The following DOCK3 variants were observed in gnomAD, a reference collection of about 807,000 sequenced individuals.
DOCK3 encodes the protein dedicator of cytokinesis protein 3.
A neutral mutation model predicts 265.6 loss-of-function variants in DOCK3; 60 were observed. That is an observed-to-expected ratio of 0.23 (90% confidence interval 0.18 to 0.28). The LOEUF (loss-of-function observed/expected upper bound fraction) is 0.28. DOCK3 is among the 10% of genes least tolerant of loss of function. DOCK3 has a pLI of 1.00. For missense variants in DOCK3, 1,981 were observed against 2,594.3 expected, an observed-to-expected ratio of 0.76 and a Z score of 5.14; for synonymous variants, 881 against 938.0, an observed-to-expected ratio of 0.94 and a Z score of 1.11.
chr3:51,090,355 A>G lies in DOCK3; in HGVS notation c.717A>G (p.Leu239=), dbSNP rs559628209. Residue 239 remains leucine, a synonymous_variant, in exon 9 of 53, where the codon TTA becomes TTG. Transcript: ENST00000266037. ...AAGATACCGATGTCTTCTTTTCCTTATATGACATGAGGGAAGGCAAGCAGA... is the reference window on the plus strand; with the variant it reads ...AAGATACCGATGTCTTCTTTTCCTTGTATGACATGAGGGAAGGCAAGCAGA... ...IGEDTDVFFS[L]YDMREGKQIS... 9.3e-6 allele frequency: 15 copies of G among 1,606,808 alleles called. No individual in the cohort carries two copies. The African/African-American group carries it at 1.2e-4, about 13-fold the overall frequency.
At chr3:51,367,648 T>C (rs1186467987) in intron 49 of DOCK3, among the ~76,000 whole-genome samples, 1 of 152,240 alleles carries the variant, frequency 6.6e-6, no homozygotes, top group Non-Finnish European at 1.5e-5. Flanking sequence ...CTTTCCATGT[T>C]TAGTGCTTCC....
intron 9 of DOCK3, among the ~76,000 whole-genome samples, chr3:51,130,845 C>A (rs2106936304): frequency 6.6e-6 from 1 of 152,170 alleles, no homozygotes; most frequent in Non-Finnish European, 1.5e-5. Flanking sequence ...GTAGTTGGGA[C>A]TACAAGTGCG....
chr3:51,035,605 C>G (rs1156650382), intron 5 of DOCK3, among the ~76,000 whole-genome samples: 1 of 152,116 alleles, frequency 6.6e-6, no homozygotes, highest in African/African-American at 2.4e-5. Flanking sequence ...TCTGGGTAAG[C>G]TTTTCCTGGC....
intron 7 of DOCK3, among the ~76,000 whole-genome samples, chr3:51,077,168 G>A (rs1367459889): frequency 6.6e-6 from 1 of 152,048 alleles, no homozygotes; most frequent in Non-Finnish European, 1.5e-5. Flanking sequence ...GTAGATGTTT[G>A]GAATTAAAAT....
intron 9 of DOCK3, among the ~76,000 whole-genome samples, chr3:51,093,631 A>C (rs1051596062): frequency 2.0e-5 from 3 of 152,188 alleles, no homozygotes; most frequent in African/African-American, 7.2e-5. Flanking sequence ...CTGCAAACAG[A>C]GACAATTTGA....
At chr3:50,720,825 A>C (rs868295527) in intron 1 of DOCK3, among the ~76,000 whole-genome samples, 1 of 152,222 alleles carries the variant, frequency 6.6e-6, no homozygotes, top group Non-Finnish European at 1.5e-5. Flanking sequence ...CCAGCAGTGT[A>C]TAAGCGTTCC....
At chr3:51,106,776 G>A (rs1215089047) in intron 9 of DOCK3, among the ~76,000 whole-genome samples, 1 of 152,100 alleles carries the variant, frequency 6.6e-6, no homozygotes, top group Non-Finnish European at 1.5e-5. Context: ...TCACTAATAG[G>A]AGGGGGTGCC....
intron 9 of DOCK3, among the ~76,000 whole-genome samples, chr3:51,113,337 C>T (rs1188934756): frequency 6.6e-6 from 1 of 152,126 alleles, no homozygotes; most frequent in African/African-American, 2.4e-5. Flanking sequence ...AAACATTGAA[C>T]ATTTCAGGAC....
intron 1 of DOCK3, among the ~76,000 whole-genome samples, chr3:50,757,318 C>T (rs548875218): frequency 1.1e-4 from 16 of 151,782 alleles, no homozygotes; most frequent in South Asian, 8.3e-4. Flanking sequence ...ATTACAGGCG[C>T]GCATCACCAT....
rs762218157 is a variant in DOCK3 at position 51,228,839 on chromosome 3, G to A, written c.1819+7G>A. The A allele has an allele frequency of 9.3e-6, 15 of 1,613,224 alleles. No homozygotes were observed. The African/African-American group carries it at 1.5e-4, about 16-fold the overall frequency. ...ACCAAACTCACCCAGAATGGTAGGT[G>A]ATAATGCCTGCAGGGTGGTGCCCTC... On this transcript the variant is annotated splice_region_variant and intron_variant, in intron 18 of 52. Coordinates refer to ENST00000266037, the MANE Select transcript of DOCK3 (RefSeq NM_004947.5).
intron 3 of DOCK3, among the ~76,000 whole-genome samples, chr3:50,872,392 C>T (rs2047474036): frequency 6.6e-6 from 1 of 152,262 alleles, no homozygotes; most frequent in South Asian, 2.1e-4. Context: ...GCCAAACAAG[C>T]AGTCTCTCTC....
intron 5 of DOCK3, among the ~76,000 whole-genome samples, chr3:50,973,071 T>TTTTTTTC (rs2077297409): frequency 2.1e-5 from 3 of 144,898 alleles, no homozygotes; most frequent in African/African-American, 7.6e-5. Flanking sequence ...TTTTTTTTTT[T>TTTTTTTC]TTGCAGTTCC....
At chr3:51,368,841 C>T (rs1383970885) in intron 49 of DOCK3, among the ~76,000 whole-genome samples, 1 of 152,184 alleles carries the variant, frequency 6.6e-6, no homozygotes, top group Non-Finnish European at 1.5e-5. Flanking sequence ...GGCAGGGTGC[C>T]CCTCTGAGAC....
At position 51,171,005 on chromosome 3, in the gene DOCK3, C is replaced by T. The variant is rs369276553; in HGVS notation, c.1037+10303C>T. Among the ~76,000 whole-genome samples the T allele has an allele frequency of 1.1e-4, 16 of 149,830 alleles. No homozygotes were observed. The East Asian group carries it at 1.8e-3, about 17-fold the overall frequency. ...AGCTTTCCAAGAAACCAACTGTTAA[C>T]GATGTTTATCTTTTCTGTTGTCTTT... On this transcript the variant is annotated intron_variant, in intron 12 of 52. Transcript: ENST00000266037.
chr3:50,813,497 G>A (rs1394883045), intron 2 of DOCK3, among the ~76,000 whole-genome samples: 1 of 152,136 alleles, frequency 6.6e-6, no homozygotes, highest in Non-Finnish European at 1.5e-5. Context: ...ACTGCCTCCA[G>A]CCTGGGTGAC....
intron 32 of DOCK3, among the ~76,000 whole-genome samples, chr3:51,320,540 C>A (rs2083645515): frequency 6.6e-6 from 1 of 152,176 alleles, no homozygotes; most frequent in South Asian, 2.1e-4. Context: ...TGGTGCATCC[C>A]ACCCCCACGG....
chr3:51,061,674 G>T lies in DOCK3; in HGVS notation c.316-2774G>T, dbSNP rs1449626392. Among the ~76,000 whole-genome samples the T allele has an allele frequency of 2.0e-5, 3 of 151,570 alleles. No homozygotes were observed. In the South Asian group the frequency reaches 6.3e-4, roughly 32 times the overall value. ...AGATGTATACATATGTAATTAACCT[G>T]CACGTTGTGAACATGTACCCTAAAA... On this transcript the variant is annotated intron_variant, in intron 5 of 52. Coordinates refer to ENST00000266037, the MANE Select transcript of DOCK3 (RefSeq NM_004947.5).
At chr3:51,036,106 A>G (rs1285352493) in intron 5 of DOCK3, among the ~76,000 whole-genome samples, 1 of 152,176 alleles carries the variant, frequency 6.6e-6, no homozygotes, top group Admixed American at 6.5e-5. Context: ...GTGGTACTTC[A>G]TGGTAGTCAC....
At chr3:50,810,638 A>G (rs1220971182) in intron 2 of DOCK3, among the ~76,000 whole-genome samples, 1 of 152,204 alleles carries the variant, frequency 6.6e-6, no homozygotes, top group Non-Finnish European at 1.5e-5. Context: ...AAGTAAAACA[A>G]CTTTGTAAAA....
Sources: allele counts gnomAD v4.1 joint callset (sites outside exome capture counted in the v4.1 genomes callset), GRCh38; gene constraint gnomAD v4.1.1; transcripts MANE v1.5; gene names NCBI Gene and HGNC (gene_info 2026-07-23, HGNC 2026-07-21).